The following NEK9 variants were observed in gnomAD, a reference collection of about 807,000 sequenced individuals.
The protein encoded by NEK9 is NIMA related kinase 9, also known as serine/threonine-protein kinase Nek9.
In NEK9, 75 loss-of-function variants were observed where a neutral mutation model predicts 123.4. The ratio of observed to expected loss-of-function variants is 0.61; its 90% CI spans 0.50 to 0.74. The LOEUF is 0.74. NEK9 is among the 30% of genes least tolerant of loss of function. The pLI is 0.00. For missense variants in NEK9, 952 were observed against 1,214.4 expected, an observed-to-expected ratio of 0.78 and a Z score of 3.21; for synonymous variants, 438 against 458.7, an observed-to-expected ratio of 0.95 and a Z score of 0.58.
chr14:75,112,134 A>G (rs1164360374), intron 8 of NEK9, among the ~76,000 whole-genome samples: 1 of 152,220 alleles, frequency 6.6e-6, no homozygotes, highest in African/African-American at 2.4e-5. Flanking sequence ...GCATAGTAGA[A>G]TAAAAGTACT....
chr14:75,117,619 G>A (rs1272209009), intron 5 of NEK9, among the ~76,000 whole-genome samples: 1 of 152,134 alleles, frequency 6.6e-6, no homozygotes, highest in African/African-American at 2.4e-5. Flanking sequence ...GGCATTCAAG[G>A]CCTACTGAAG....
At position 75,126,718 on chromosome 14, in the gene NEK9, C is replaced by A; in HGVS notation, c.204G>T (p.Leu68=). Residue 68 remains leucine (L), a synonymous_variant, in exon 1 of 22, where the codon CTG becomes CTT. Coordinates refer to ENST00000238616, the MANE Select transcript of NEK9 (RefSeq NM_033116.6). ...LGRGAFGEAT[L]YRRTEDDSLV... ...GGGCCGCTACCTCGGTGCGGCGGTA[C>A]AGCGTGGCTTCCCCGAAGGCGCCGC... is the stretch of plus-strand genomic sequence containing the variant. 6.8e-7 allele frequency: 1 copy of A among 1,473,818 alleles called. No individual in the cohort carries two copies. Among genetic ancestry groups the A allele is most frequent in the South Asian group, 1.3e-5 (1 of 74,922 alleles). 91.3% of individuals were successfully genotyped at this position (1,473,818 alleles called of 1,614,324 possible).
At chr14:75,085,362 CTAT>C (rs1366763082) in intron 21 of NEK9, among the ~76,000 whole-genome samples, 3 of 152,214 alleles carry the variant, frequency 2.0e-5, no homozygotes, top group Admixed American at 6.5e-5. Flanking sequence ...TACAAGGTGT[CTAT>C]TATTTTCTTT....
At chr14:75,105,915 G>C (rs376172521) in intron 13 of NEK9, 35 bp downstream of exon 13, 4 of 1,540,924 alleles carry the variant, frequency 2.6e-6, no homozygotes, top group Non-Finnish European at 9.0e-7. Context: ...TGCGACTTAA[G>C]ATAGGTTTTA....
chr14:75,091,461 G>A lies in NEK9; in HGVS notation c.2251C>T (p.Pro751Ser), dbSNP rs1438755792. The A allele has an allele frequency of 6.3e-7, 1 of 1,593,896 alleles. No homozygotes were observed. The highest frequency in any genetic ancestry group is 1.7e-5 in the Admixed American group (1 of 58,442). ...SIGTVFQSSS[P>S]GGGGGGGGGE... ...CCGCCGCCCCCGCCGCCTCCTCCCG[G>A]GCTAGAGCTCTGAAACACTGACAGA... The change falls in exon 19 of 22, where the codon CCG becomes TCG. Residue 751 changes from proline (P) to serine (S), a missense_variant. Around this residue, in one of 4 missense-constraint regions of NEK9, gnomAD observed 698 missense variants for 875.6 expected, o/e 0.80. Coordinates refer to ENST00000238616, the MANE Select transcript of NEK9 (RefSeq NM_033116.6).
intron 19 of NEK9, 126 bp from the exon 20 acceptor site, chr14:75,088,767 TG>T (rs1470411847): frequency 5.0e-6 from 4 of 798,784 alleles, no homozygotes; most frequent in African/African-American, 1.7e-5. Context: ...AAGACAGTTG[TG>T]GTTAACAACA....
chr14:75,116,807 G>A (rs1215194361), intron 6 of NEK9, among the ~76,000 whole-genome samples: 3 of 152,070 alleles, frequency 2.0e-5, no homozygotes, highest in South Asian at 2.1e-4. Context: ...CTGGAGTGCA[G>A]TGGCATGATC....
intron 3 of NEK9, 89 bp from the exon 4 acceptor site, chr14:75,120,669 A>G: frequency 1.0e-6 from 1 of 956,056 alleles, no homozygotes; most frequent in African/African-American, 1.6e-5. Flanking sequence ...AACAAAGAAA[A>G]CTGCAACCAG....
Position 75,101,652 on chromosome 14 carries a change from C to T in NEK9, c.1840+5G>A. On this transcript the variant is annotated splice_donor_5th_base_variant and intron_variant, in intron 15 of 21. Transcript: ENST00000238616. ...GGCATGTGATACAGTTGTAAATCAA[C>T]TTACCATCAATAGCAGCTGTGTGAG... 6.3e-7 allele frequency: 1 copy of T among 1,597,530 alleles called. No homozygotes were observed. Among genetic ancestry groups the T allele is most frequent in the Non-Finnish European group, 8.6e-7 (1 of 1,165,172 alleles).
rs201841621 is a variant in NEK9, at chr14:75,091,446, C to T, written c.2266G>A (p.Gly756Arg). The T allele has an allele frequency of 5.7e-5, 91 of 1,605,168 alleles. No individual in the cohort carries two copies. The African/African-American group carries it at 8.9e-4, about 16-fold the overall frequency. The change falls in exon 19 of 22, where the codon GGG becomes AGG. Residue 756 changes from glycine (G) to arginine (R), a missense_variant. Physicochemically the swap from Gly to Arg is moderately radical, Grantham distance 125. Coordinates refer to ENST00000238616, the MANE Select transcript of NEK9 (RefSeq NM_033116.6). ...TCCTCTTCTTCACCACCGCCGCCCC[C>T]GCCGCCTCCTCCCGGGCTAGAGCTC... is the stretch of plus-strand genomic sequence containing the variant. ...FQSSSPGGGG[G>R]GGGGEEEDSQ... is the part of the protein sequence containing the mutation.
At chr14:75,095,978 C>A (rs1594828653) in intron 17 of NEK9, among the ~76,000 whole-genome samples, 1 of 152,180 alleles carries the variant, frequency 6.6e-6, no homozygotes, top group East Asian at 1.9e-4. Context: ...AGGGTCTGGA[C>A]CGTGGTATTC....
At chr14:75,123,139 G>A (rs778399171) in intron 2 of NEK9, among the ~76,000 whole-genome samples, 1 of 152,072 alleles carries the variant, frequency 6.6e-6, no homozygotes, top group Non-Finnish European at 1.5e-5. Flanking sequence ...GGTGGCTTAA[G>A]CCTGTAATCC....
intron 3 of NEK9, chr14:75,120,879 C>A: frequency 3.2e-6 from 2 of 625,784 alleles, no homozygotes; most frequent in Non-Finnish European, 5.7e-6. Context: ...TACCAGTACG[C>A]AGTAATAGAA....
intron 17 of NEK9, 41 bp downstream of exon 17, chr14:75,097,059 C>T (rs567362811): frequency 4.5e-5 from 70 of 1,555,538 alleles, no homozygotes; most frequent in Non-Finnish European, 5.7e-5. Context: ...GGTCCATCCT[C>T]TGTCAAAGCC....
Position 75,121,156 on chromosome 14 carries a change from T to G in NEK9, c.416A>C (p.Lys139Thr). Reference protein sequence around the residue: ...EYCNGGNLYDKILRQKDKLFE... With the variant: ...EYCNGGNLYDTILRQKDKLFE... Reference sequence around the variant, plus strand: ...CAACTTGTCCTTCTGACGAAGGATTTTGTCATACAGGTTCCCTCCTGCAAT... The same window carrying G: ...CAACTTGTCCTTCTGACGAAGGATTGTGTCATACAGGTTCCCTCCTGCAAT... Residue 139 changes from lysine to threonine, a missense_variant, in exon 3 of 22, where the codon AAA (lysine) becomes ACA (threonine). Coordinates refer to ENST00000238616, the MANE Select transcript of NEK9 (RefSeq NM_033116.6). 1 of 1,613,636 alleles carries G rather than the reference T, an allele frequency of 6.2e-7. No homozygotes were observed. The highest frequency in any genetic ancestry group is 8.5e-7 in the Non-Finnish European group (1 of 1,179,542).
chr14:75,101,524 G>A, intron 15 of NEK9, 133 bp downstream of exon 15: 1 of 575,546 alleles, frequency 1.7e-6, no homozygotes, highest in Admixed American at 3.1e-5. Flanking sequence ...ATATGTACCT[G>A]AATACATTAA....
At chr14:75,093,119 AC>A (rs1334959211) in intron 18 of NEK9, among the ~76,000 whole-genome samples, 1 of 152,252 alleles carries the variant, frequency 6.6e-6, no homozygotes, top group East Asian at 1.9e-4. Context: ...AATATGAGTT[AC>A]TAGCCATATG....
At chr14:75,106,303 G>C in intron 12 of NEK9, 199 bp downstream of exon 12, 1 of 567,812 alleles carries the variant, frequency 1.8e-6, no homozygotes, top group South Asian at 2.1e-5. Flanking sequence ...TGGTTGCAAT[G>C]AGCCCAGATC....
In NEK9 at chr14:75,122,286, A is replaced by G. The variant is rs1224478253; in HGVS notation, c.398-1112T>C. ...TCGAAAATTTTTAACAGAATCTTGT[A>G]TATGGCATTGATCACCAATGATCAT... On this transcript the variant is annotated intron_variant, in intron 2 of 21. Coordinates refer to ENST00000238616, the MANE Select transcript of NEK9 (RefSeq NM_033116.6). Among the ~76,000 whole-genome samples, 12 of 152,374 alleles carry G rather than the reference A, an allele frequency of 7.9e-5. No homozygotes were observed. The South Asian group carries it at 1.4e-3, about 18-fold the overall frequency.
Sources: allele counts gnomAD v4.1 joint callset (sites outside exome capture counted in the v4.1 genomes callset), GRCh38; gene constraint gnomAD v4.1.1; regional missense constraint gnomAD v4.1.1; transcripts MANE v1.5; gene names NCBI Gene and HGNC (gene_info 2026-07-23, HGNC 2026-07-21).